ELF1: variants seen among roughly 807,000 people sequenced by gnomAD.
ELF1 encodes the protein E74 like ETS transcription factor 1, also known as ETS-related transcription factor Elf-1.
In ELF1, 24 loss-of-function variants were observed where a neutral mutation model predicts 59.9. That is an observed-to-expected ratio of 0.40 (90% confidence interval 0.29 to 0.56). The LOEUF is 0.56. Ranked by LOEUF, ELF1 falls within the 20% of genes least tolerant of loss-of-function variation. The pLI is 0.44. For missense variants in ELF1, 627 were observed against 742.2 expected, an observed-to-expected ratio of 0.84 and a Z score of 1.80; for synonymous variants, 248 against 266.2, an observed-to-expected ratio of 0.93 and a Z score of 0.67.
At chr13:41,029,404 T>C (rs1054420498) in intron 1 of ELF1, among the ~76,000 whole-genome samples, 1 of 151,954 alleles carries the variant, frequency 6.6e-6, no homozygotes, top group Non-Finnish European at 1.5e-5. Flanking sequence ...TTCTTTTTTA[T>C]TTTTTTTGAA....
chr13:40,960,420 G>C (rs888120427), intron 2 of ELF1, among the ~76,000 whole-genome samples: 1 of 152,078 alleles, frequency 6.6e-6, no homozygotes, highest in African/African-American at 2.4e-5. Flanking sequence ...GAAGAGTACA[G>C]GTCATCTGTT....
At position 41,050,500 on chromosome 13, in the gene ELF1, T is replaced by C. The variant is rs549360168; in HGVS notation, c.-229+10338A>G. Among the ~76,000 whole-genome samples the C allele has an allele frequency of 3.9e-5, 6 of 152,374 alleles. No individual in the cohort carries two copies. The East Asian group carries it at 1.2e-3, about 29-fold the overall frequency. On this transcript the variant is annotated intron_variant, in intron 1 of 1. Transcript: ENST00000405737. ...TACAAATATCTCTGAGACCTTGCTT[T>C]CAATTATTTTGAGTATATATCAAGA...
chr13:41,019,426 T>C (rs1739871050), upstream of ELF1: 1 of 984,656 alleles, frequency 1.0e-6, no homozygotes, highest in Non-Finnish European at 1.2e-6. Context: ...AGGTCAAACA[T>C]GCAAATCTGC....
chr13:40,955,190 A>C (rs1425067983), intron 3 of ELF1, among the ~76,000 whole-genome samples: 1 of 148,992 alleles, frequency 6.7e-6, no homozygotes, highest in Non-Finnish European at 1.5e-5. Flanking sequence ...CCCTCTGAGA[A>C]GTGAGGAGCC....
At chr13:40,965,226 T>A (rs1322711529) in intron 2 of ELF1, among the ~76,000 whole-genome samples, 1 of 152,156 alleles carries the variant, frequency 6.6e-6, no homozygotes, top group Admixed American at 6.6e-5. Flanking sequence ...ACAGACCCTT[T>A]CCCAAGATTT....
chr13:41,047,686 C>T (rs183139992), intron 1 of ELF1, among the ~76,000 whole-genome samples: 1 of 152,308 alleles, frequency 6.6e-6, no homozygotes, highest in African/African-American at 2.4e-5. Context: ...TCAGTCTGCC[C>T]CTACTAGGGG....
At chr13:41,018,706 A>G (rs1875558752) in intron 1 of ELF1, among the ~76,000 whole-genome samples, 1 of 152,124 alleles carries the variant, frequency 6.6e-6, no homozygotes, top group South Asian at 2.1e-4. Context: ...ACTTTAAAAA[A>G]CAGAGAGGGA....
chr13:41,048,717 G>A (rs914948018), intron 1 of ELF1, among the ~76,000 whole-genome samples: 1 of 151,584 alleles, frequency 6.6e-6, no homozygotes, highest in African/African-American at 2.4e-5. Flanking sequence ...CTAGCCGAAG[G>A]TATTTTTTTA....
chr13:40,946,518 G>A (rs1870520626), intron 5 of ELF1, among the ~76,000 whole-genome samples: 1 of 152,104 alleles, frequency 6.6e-6, no homozygotes, highest in Admixed American at 6.6e-5. Flanking sequence ...ACAAAACACA[G>A]CTTTGAACTG....
chr13:41,050,708 G>A (rs745471534), intron 1 of ELF1, among the ~76,000 whole-genome samples: 1 of 151,982 alleles, frequency 6.6e-6, no homozygotes, highest in East Asian at 1.9e-4. Flanking sequence ...CTGCCACCAC[G>A]CCCAGCTAAT....
chr13:40,942,547 G>T (rs762215339), intron 7 of ELF1, among the ~76,000 whole-genome samples: 1 of 151,840 alleles, frequency 6.6e-6, no homozygotes, highest in Non-Finnish European at 1.5e-5. Flanking sequence ...TTGAGACAGG[G>T]TCTCACTCCA....
chr13:41,039,413 G>C (rs1160953901), intron 1 of ELF1, among the ~76,000 whole-genome samples: 1 of 148,690 alleles, frequency 6.7e-6, no homozygotes, highest in Non-Finnish European at 1.5e-5. Context: ...CTCAGCAAAT[G>C]CTTTCCAAAA....
intron 1 of ELF1, among the ~76,000 whole-genome samples, chr13:41,033,701 C>A (rs1424499727): frequency 1.3e-5 from 2 of 152,204 alleles, no homozygotes; most frequent in African/African-American, 4.8e-5. Flanking sequence ...ATCTAACGCC[C>A]AATGATTTGA....
intron 1 of ELF1, among the ~76,000 whole-genome samples, chr13:41,028,758 G>C (rs550816676): frequency 6.6e-6 from 1 of 152,064 alleles, no homozygotes; most frequent in Non-Finnish European, 1.5e-5. Context: ...TTTTGAGACA[G>C]AGTCTCACTC....
intron 2 of ELF1, among the ~76,000 whole-genome samples, chr13:40,960,909 C>T (rs1871775635): frequency 6.6e-6 from 1 of 152,070 alleles, no homozygotes. Context: ...CTTGCTTTGC[C>T]GCCCAAGCTA....
chr13:40,968,444 G>A (rs1593368903), intron 2 of ELF1, among the ~76,000 whole-genome samples: 1 of 152,252 alleles, frequency 6.6e-6, no homozygotes, highest in East Asian at 1.9e-4. Flanking sequence ...TATTCCAAGA[G>A]TATGAAACAT....
chr13:40,961,703 T>C (rs1020639166), intron 2 of ELF1, among the ~76,000 whole-genome samples: 4 of 152,236 alleles, frequency 2.6e-5, no homozygotes, highest in African/African-American at 4.8e-5. Context: ...AGCATAAACA[T>C]GGACTTGTTA....
chr13:40,954,597 G>A (rs1342456068), intron 3 of ELF1, among the ~76,000 whole-genome samples: 5 of 152,202 alleles, frequency 3.3e-5, no homozygotes, highest in South Asian at 4.2e-4. Flanking sequence ...GCAGGCGCGC[G>A]CCGCCACGCC....
chr13:41,042,731 CA>C (rs1471848062), intron 1 of ELF1, among the ~76,000 whole-genome samples: 1 of 152,096 alleles, frequency 6.6e-6, no homozygotes, highest in African/African-American at 2.4e-5. Context: ...GGCTTGGTTC[CA>C]AGTCTTTGCT....
Sources: allele counts gnomAD v4.1 joint callset (sites outside exome capture counted in the v4.1 genomes callset), GRCh38; gene constraint gnomAD v4.1.1; transcripts MANE v1.5; gene names NCBI Gene and HGNC (gene_info 2026-07-23, HGNC 2026-07-21).